Variants in TMED5 observed in about 807,000 individuals in gnomAD.
TMED5 encodes the protein transmembrane emp24 domain-containing protein 5.
A neutral mutation model predicts 23.0 loss-of-function variants in TMED5; 27 were observed. The observed-to-expected ratio is 1.17, with a 90% CI of 0.86 to 1.62. The LOEUF is 1.62. Among genes scored for constraint, TMED5 ranks in the 40% most tolerant of loss-of-function variants. TMED5 has a pLI of 0.00. For missense variants in TMED5, 248 were observed against 273.7 expected, an observed-to-expected ratio of 0.91 and a Z score of 0.66; for synonymous variants, 97 against 100.8, an observed-to-expected ratio of 0.96 and a Z score of 0.23.
intron 1 of TMED5, among the ~76,000 whole-genome samples, chr1:93,176,545 T>A (rs578009282): frequency 5.0e-4 from 76 of 151,782 alleles, no homozygotes; most frequent in African/African-American, 1.6e-3. Flanking sequence ...ATATATATAT[T>A]TTTTTGAGGC....
At chr1:93,156,222 G>A in intron 3 of TMED5, 78 bp downstream of exon 3, 3 of 1,333,274 alleles carry the variant, frequency 2.3e-6, no homozygotes, top group East Asian at 2.3e-5. Flanking sequence ...CAGATAAAAT[G>A]CTTAGTTCAG....
intron 2 of TMED5, among the ~76,000 whole-genome samples, chr1:93,157,249 T>A (rs1648105701): frequency 6.6e-6 from 1 of 152,190 alleles, no homozygotes; most frequent in Non-Finnish European, 1.5e-5. Flanking sequence ...ACTGGCTCCC[T>A]TATAGATGTT....
intron 1 of TMED5, 127 bp downstream of exon 1, chr1:93,179,927 G>C: frequency 9.6e-7 from 1 of 1,044,916 alleles, no homozygotes; most frequent in South Asian, 1.7e-5. Flanking sequence ...GGAGCGGGCT[G>C]GCTTCCTGAA....
chr1:93,164,420 A>G (rs1378433302), intron 1 of TMED5, among the ~76,000 whole-genome samples: 1 of 152,164 alleles, frequency 6.6e-6, no homozygotes, highest in African/African-American at 2.4e-5. Context: ...GCATAAAGCT[A>G]GGATCTTTGA....
chr1:93,161,324 C>CAAG (rs1182891602), intron 1 of TMED5: 1 of 152,036 alleles, frequency 6.6e-6, no homozygotes, highest in Non-Finnish European at 1.5e-5. Flanking sequence ...AAAAAATAAA[C>CAAG]CAAAGTGATA....
intron 1 of TMED5, among the ~76,000 whole-genome samples, chr1:93,170,851 T>C (rs967459793): frequency 6.6e-6 from 1 of 152,184 alleles, no homozygotes; most frequent in African/African-American, 2.4e-5. Flanking sequence ...AGCTCAGGGA[T>C]TGTAAACACA....
chr1:93,156,807 CAAAAAAA>C (rs10572798), intron 2 of TMED5, among the ~76,000 whole-genome samples: 3 of 90,498 alleles, frequency 3.3e-5, no homozygotes, highest in Non-Finnish European at 6.9e-5. Flanking sequence ...GATCCTGTCT[CAAAAAAA>C]AAAAAAAAAA....
chr1:93,152,825 A>C lies in TMED5; in HGVS notation c.*1845T>G, dbSNP rs1433446107. Reference sequence around the variant, plus strand: ...CAAAAGGGAGGGGTATTCATAGGCAAGGATCTTATTGACCTTTGTTCTGCA... The same window carrying C: ...CAAAAGGGAGGGGTATTCATAGGCACGGATCTTATTGACCTTTGTTCTGCA... On this transcript the variant is annotated 3_prime_UTR_variant, in exon 4 of 4. Transcript: ENST00000370282. 6.6e-6 allele frequency: 1 copy of C among 152,564 alleles called. No individual in the cohort carries two copies. Among genetic ancestry groups the C allele is most frequent in the Non-Finnish European group, 1.5e-5 (1 of 67,998 alleles). The allele number at this position is 152,564 out of a possible 1,614,324, so 9.5% of individuals were successfully genotyped here.
At chr1:93,170,219 G>A (rs979173724) in intron 1 of TMED5, among the ~76,000 whole-genome samples, 25 of 152,348 alleles carry the variant, frequency 1.6e-4, no homozygotes, top group South Asian at 8.3e-4. Flanking sequence ...CCCTTTCTGG[G>A]CTGGCCAAGG....
chr1:93,168,114 T>C (rs1648571872), intron 1 of TMED5, among the ~76,000 whole-genome samples: 1 of 152,164 alleles, frequency 6.6e-6, no homozygotes, highest in Admixed American at 6.5e-5. Flanking sequence ...ACAAATTCCA[T>C]TTCAACCACA....
At chr1:93,157,698 T>C (rs1648123548) in intron 2 of TMED5, among the ~76,000 whole-genome samples, 2 of 152,210 alleles carry the variant, frequency 1.3e-5, no homozygotes, top group African/African-American at 2.4e-5. Context: ...TGAGACCTTG[T>C]CTTTAAAAAA....
intron 1 of TMED5, among the ~76,000 whole-genome samples, chr1:93,172,327 G>A (rs1403732610): frequency 6.6e-6 from 1 of 152,028 alleles, no homozygotes; most frequent in Non-Finnish European, 1.5e-5. Flanking sequence ...AAAAAAACCC[G>A]TCCCGGAACT....
chr1:93,180,046 G>T lies in TMED5; in HGVS notation c.189+8C>A. 6.2e-7 allele frequency: 1 copy of T among 1,611,132 alleles called. No homozygotes were observed. Reference sequence around the variant, plus strand: ...AAGGAAGGAGGCTGGTTTATCCTCCGCACTTACTTGGTACTCGATCTCCAG... The same window carrying T: ...AAGGAAGGAGGCTGGTTTATCCTCCTCACTTACTTGGTACTCGATCTCCAG... On this transcript the variant is annotated splice_region_variant and intron_variant, in intron 1 of 3. Transcript: ENST00000370282.
chr1:93,170,164 G>C (rs916598354), intron 1 of TMED5, among the ~76,000 whole-genome samples: 5 of 152,236 alleles, frequency 3.3e-5, no homozygotes, highest in African/African-American at 1.2e-4. Context: ...GCCCACTCTG[G>C]CCACGCCTGA....
intron 1 of TMED5, among the ~76,000 whole-genome samples, chr1:93,165,818 C>T (rs929198408): frequency 6.6e-6 from 1 of 152,152 alleles, no homozygotes; most frequent in Non-Finnish European, 1.5e-5. Context: ...TGACTATAGT[C>T]AACTGTTGTG....
intron 1 of TMED5, among the ~76,000 whole-genome samples, chr1:93,174,082 C>T (rs997301378): frequency 3.9e-5 from 6 of 152,002 alleles, no homozygotes; most frequent in African/African-American, 1.4e-4. Flanking sequence ...CTCAGCCTCC[C>T]GAGTAGCTGG....
At chr1:93,176,132 G>C (rs1648903143) in intron 1 of TMED5, among the ~76,000 whole-genome samples, 1 of 152,168 alleles carries the variant, frequency 6.6e-6, no homozygotes, top group Non-Finnish European at 1.5e-5. Flanking sequence ...GGACCTAAAA[G>C]CCCACAATGA....
intron 1 of TMED5, chr1:93,161,925 G>A (rs1648293730): frequency 6.6e-6 from 1 of 152,010 alleles, no homozygotes; most frequent in South Asian, 2.1e-4. Context: ...TTTAATAAAT[G>A]CATCTTTTTA....
intron 1 of TMED5, among the ~76,000 whole-genome samples, chr1:93,179,622 G>C (rs1649185401): frequency 6.6e-6 from 1 of 152,228 alleles, no homozygotes; most frequent in African/African-American, 2.4e-5. Flanking sequence ...TGTAACATCT[G>C]AACTGTGTGA....
Sources: gnomAD v4.1 joint callset for allele counts (sites outside exome capture counted in the v4.1 genomes callset) on GRCh38, gnomAD v4.1.1 for gene constraint, MANE v1.5 for transcripts, NCBI Gene and HGNC (gene_info 2026-07-23, HGNC 2026-07-21) for gene names.